DSE: variants seen among roughly 807,000 people sequenced by gnomAD.
The protein encoded by DSE is dermatan-sulfate epimerase.
In DSE, 36 loss-of-function variants were observed where a neutral mutation model predicts 84.4. The ratio of observed to expected loss-of-function variants is 0.43; its 90% CI spans 0.33 to 0.56. The LOEUF is 0.56. Ranked by LOEUF, DSE falls within the 20% of genes least tolerant of loss-of-function variation. The probability of loss-of-function intolerance (pLI) is 0.06; values close to 1 mark genes in which losing one functional copy is unlikely to be tolerated. For missense variants in DSE, 862 were observed against 1,169.6 expected (o/e 0.74, Z 3.84); for synonymous variants, 410 against 430.1 (o/e 0.95, Z 0.58).
intron 2 of DSE, among the ~76,000 whole-genome samples, chr6:116,327,248 A>G (rs960420403): frequency 3.3e-5 from 5 of 152,232 alleles, no homozygotes; most frequent in Non-Finnish European, 7.3e-5. Context: ...AGACTAAACT[A>G]TTGACCCTTG....
At position 116,442,859 on chromosome 6, in the gene DSE, G is replaced by C. The variant is rs894559186; in HGVS notation, c.*5514G>C. The C allele has an allele frequency of 1.6e-4, 25 of 152,160 alleles. No homozygotes were observed. The highest frequency in any genetic ancestry group is 6.0e-4 in the African/African-American group (25 of 41,420). 9.4% of individuals were successfully genotyped at this position (152,160 alleles called of 1,614,324 possible). ...GGGAGCAAAAGGGACATGGGTGAGG[G>C]GTGTTGATGATGCCACATATACCTG... On this transcript the variant is annotated 3_prime_UTR_variant, in exon 6 of 6. Transcript: ENST00000644252.
intron 1 of DSE, among the ~76,000 whole-genome samples, chr6:116,387,151 A>G (rs1484888964): frequency 6.6e-6 from 1 of 152,218 alleles, no homozygotes; most frequent in Admixed American, 6.5e-5. Flanking sequence ...CTAGAGGAAC[A>G]GAGAAACTAA....
chr6:116,349,628 G>A lies in DSE; in HGVS notation c.-53-49570G>A, dbSNP rs539933528. Among the ~76,000 whole-genome samples, 47 of 152,302 alleles carry A rather than the reference G, an allele frequency of 3.1e-4. 1 individual carries two copies. Among genetic ancestry groups the A allele is most frequent in the Admixed American group, 2.2e-3 (33 of 15,300 alleles). On this transcript the variant is annotated intron_variant, in intron 2 of 3. Coordinates refer to the DSE transcript ENST00000430252. ...ACTTTTACCAAATATGCTGCTGGGAGTGGTCATTTCTCATCACTCCAGATT... is the reference window on the plus strand; with the variant it reads ...ACTTTTACCAAATATGCTGCTGGGAATGGTCATTTCTCATCACTCCAGATT...
At chr6:116,363,018 A>G (rs915005845) in intron 2 of DSE, among the ~76,000 whole-genome samples, 1 of 152,192 alleles carries the variant, frequency 6.6e-6, no homozygotes, top group African/African-American at 2.4e-5. Context: ...TCTAGGGTCA[A>G]TTTAGTCCTA....
At chr6:116,277,594 G>C (rs1425340003) in intron 2 of DSE, 2 of 152,230 alleles carry the variant, frequency 1.3e-5, no homozygotes, top group Non-Finnish European at 2.9e-5. Context: ...GAAAATGACA[G>C]AGCCAAAATG....
At chr6:116,370,570 GCCTCCAAAAGTTA>G (rs997441207), upstream of DSE, 43 of 935,416 alleles carry the variant, frequency 4.6e-5, no homozygotes, top group Non-Finnish European at 5.5e-5. Flanking sequence ...CTCCCCCTGG[GCCTCCAAAAGTTA>G]CCTTTCCTTT....
chr6:116,370,587 T>C, upstream of DSE: 1 of 874,306 alleles, frequency 1.1e-6, no homozygotes, highest in Non-Finnish European at 1.4e-6. Context: ...AAAGTTACCT[T>C]TCCTTTGGGT....
chr6:116,437,257 A>G lies in DSE; in HGVS notation c.2789A>G (p.His930Arg), dbSNP rs1218827790. 5 of 1,613,994 alleles carry G rather than the reference A, an allele frequency of 3.1e-6. No individual in the cohort carries two copies. The Admixed American group carries it at 5.0e-5, about 16-fold the overall frequency. ...LTYFQRAQSL[H>R]GQRCLYAVLL... ...TATTTCCAGAGGGCCCAGAGCCTAC[A>G]TGGCCAAAGATGTCTTTATGCAGTT... Residue 930 changes from histidine (H) to arginine (R), a missense_variant, in exon 6 of 6, where the codon CAT becomes CGT. By Grantham distance (29) the His-to-Arg change is conservative. Coordinates refer to ENST00000644252, the MANE Select transcript of DSE (RefSeq NM_013352.4).
At chr6:116,265,261 G>T (rs1319205072) in intron 2 of DSE, among the ~76,000 whole-genome samples, 2 of 152,104 alleles carry the variant, frequency 1.3e-5, no homozygotes, top group African/African-American at 4.8e-5. Flanking sequence ...ATGGGCACAG[G>T]TCTGGGTGCC....
At chr6:116,263,332 T>C (rs1007480426) in intron 2 of DSE, among the ~76,000 whole-genome samples, 7 of 151,918 alleles carry the variant, frequency 4.6e-5, no homozygotes, top group Non-Finnish European at 8.8e-5. Context: ...TTGAACTGAA[T>C]ACTGTTTTGC....
chr6:116,386,352 G>A (rs74494556), intron 1 of DSE, among the ~76,000 whole-genome samples: 1,711 of 152,312 alleles, frequency 0.011, 35 homozygotes, highest in African/African-American at 0.039. Context: ...ACCACCATCA[G>A]CCTTGGCAAT....
intron 2 of DSE, among the ~76,000 whole-genome samples, chr6:116,297,376 T>C (rs1774735862): frequency 1.3e-5 from 2 of 152,134 alleles, no homozygotes; most frequent in Admixed American, 1.3e-4. Context: ...CCTCACACTT[T>C]GTACTTGGTT....
intron 2 of DSE, among the ~76,000 whole-genome samples, chr6:116,354,153 A>G (rs1194662437): frequency 1.3e-5 from 2 of 152,218 alleles, no homozygotes; most frequent in Non-Finnish European, 1.5e-5. Flanking sequence ...GGTCCTTGAT[A>G]TATGAGGCAA....
At chr6:116,317,885 G>A (rs1757246008) in intron 2 of DSE, among the ~76,000 whole-genome samples, 1 of 152,146 alleles carries the variant, frequency 6.6e-6, no homozygotes, top group African/African-American at 2.4e-5. Flanking sequence ...GGTAGAAACT[G>A]GTAGCAGATA....
intron 2 of DSE, among the ~76,000 whole-genome samples, chr6:116,289,519 T>C (rs570499957): frequency 1.3e-5 from 2 of 152,170 alleles, no homozygotes; most frequent in East Asian, 3.9e-4. Context: ...GCCATTCATT[T>C]AAAACTCCAG....
chr6:116,426,274 A>T (rs534695937), intron 2 of DSE, among the ~76,000 whole-genome samples: 28 of 152,332 alleles, frequency 1.8e-4, no homozygotes, highest in Admixed American at 6.5e-5. Flanking sequence ...CACATGTTCT[A>T]TGCTTCAGAT....
intron 2 of DSE, among the ~76,000 whole-genome samples, chr6:116,324,027 G>A (rs1169015918): frequency 6.6e-6 from 1 of 152,052 alleles, no homozygotes; most frequent in Non-Finnish European, 1.5e-5. Flanking sequence ...CAGAGGCAAG[G>A]TAAGAGGACA....
intron 1 of DSE, among the ~76,000 whole-genome samples, chr6:116,385,552 A>G (rs1295343229): frequency 6.6e-6 from 1 of 152,028 alleles, no homozygotes; most frequent in Non-Finnish European, 1.5e-5. Flanking sequence ...GTTGAGTCCA[A>G]TTACTGGCAG....
intron 2 of DSE, among the ~76,000 whole-genome samples, chr6:116,411,200 A>C (rs552488204): frequency 1.6e-4 from 24 of 152,272 alleles, no homozygotes; most frequent in African/African-American, 5.5e-4. Context: ...CAGTCATAAA[A>C]AAATATATCC....
Sources: gnomAD v4.1 joint callset for allele counts (sites outside exome capture counted in the v4.1 genomes callset) on GRCh38, gnomAD v4.1.1 for gene constraint, MANE v1.5 for transcripts, NCBI Gene and HGNC (gene_info 2026-07-23, HGNC 2026-07-21) for gene names.